DNAH11: variants seen among roughly 807,000 people sequenced by gnomAD.
The protein encoded by DNAH11 is axonemal beta dynein heavy chain 11.
A neutral mutation model predicts 526.0 loss-of-function variants in DNAH11; 442 were observed. The ratio of observed to expected loss-of-function variants is 0.84; its 90% CI spans 0.78 to 0.91. The LOEUF (loss-of-function observed/expected upper bound fraction) is 0.91, where lower values mean the gene tolerates loss of function less well. Ranked by LOEUF, DNAH11 falls within the 40% of genes least tolerant of loss-of-function variation. The pLI is 0.00. For synonymous variants in DNAH11, 2,461 were observed against 1,935.9 expected, an observed-to-expected ratio of 1.27 and a Z score of -7.12; for missense variants, 6,989 against 5,448.7, an observed-to-expected ratio of 1.28 and a Z score of -8.90.
intron 57 of DNAH11, among the ~76,000 whole-genome samples, chr7:21,781,111 A>G (rs1264497935): frequency 2.6e-5 from 4 of 152,202 alleles, no homozygotes; most frequent in Admixed American, 1.3e-4. Context: ...ATGTTCAGCA[A>G]TGTGCTAGAT....
intron 57 of DNAH11, among the ~76,000 whole-genome samples, chr7:21,782,188 G>C (rs1443943846): frequency 1.3e-5 from 2 of 152,148 alleles, no homozygotes; most frequent in Admixed American, 6.5e-5. Flanking sequence ...ATCTGCAAGG[G>C]GCTGTTGACT....
chr7:21,554,089 C>A (rs1293646064), intron 2 of DNAH11, among the ~76,000 whole-genome samples: 1 of 151,316 alleles, frequency 6.6e-6, no homozygotes, highest in Non-Finnish European at 1.5e-5. Context: ...CCTTTGAGAC[C>A]TTTTGTGTCC....
At chr7:21,548,597 C>T (rs1272669526) in intron 2 of DNAH11, among the ~76,000 whole-genome samples, 1 of 152,132 alleles carries the variant, frequency 6.6e-6, no homozygotes, top group Non-Finnish European at 1.5e-5. Context: ...GGCAATTGGA[C>T]TAAAGCACAA....
chr7:21,656,740 GA>G (rs1319531279), intron 29 of DNAH11, among the ~76,000 whole-genome samples: 1 of 152,180 alleles, frequency 6.6e-6, no homozygotes, highest in Non-Finnish European at 1.5e-5. Flanking sequence ...AGTATTTGCA[GA>G]AAGATGAGTG....
intron 65 of DNAH11, among the ~76,000 whole-genome samples, chr7:21,832,833 C>T (rs1005694252): frequency 3.5e-4 from 54 of 152,140 alleles, no homozygotes; most frequent in African/African-American, 8.4e-4. Flanking sequence ...ATGTATGTGA[C>T]GCACAAAGCC....
At chr7:21,586,044 G>A (rs1784469308) in intron 9 of DNAH11, among the ~76,000 whole-genome samples, 1 of 152,154 alleles carries the variant, frequency 6.6e-6, no homozygotes, top group South Asian at 2.1e-4. Context: ...CATTTTGCAT[G>A]ACAAACAATT....
intron 45 of DNAH11, among the ~76,000 whole-genome samples, chr7:21,728,073 A>T (rs528690292): frequency 6.6e-6 from 1 of 151,950 alleles, no homozygotes; most frequent in Admixed American, 6.6e-5. Context: ...TATAAGTCCT[A>T]TTCCCAAATA....
At chr7:21,577,343 G>A (rs1489795014) in intron 8 of DNAH11, among the ~76,000 whole-genome samples, 1 of 152,172 alleles carries the variant, frequency 6.6e-6, no homozygotes, top group African/African-American at 2.4e-5. Context: ...CACCCTTTCT[G>A]TCTGAAAATG....
chr7:21,833,806 G>T (rs977825346), intron 65 of DNAH11, among the ~76,000 whole-genome samples: 2 of 152,150 alleles, frequency 1.3e-5, no homozygotes, highest in Non-Finnish European at 2.9e-5. Context: ...ATAAATGTTG[G>T]TATCTCTTAT....
intron 20 of DNAH11, among the ~76,000 whole-genome samples, chr7:21,610,167 T>C (rs982987171): frequency 6.6e-6 from 1 of 152,046 alleles, no homozygotes; most frequent in African/African-American, 2.4e-5. Context: ...GGCAGGAGAA[T>C]GGCGTGAACC....
chr7:21,682,349 A>G (rs1451851436), intron 31 of DNAH11, among the ~76,000 whole-genome samples: 1 of 151,814 alleles, frequency 6.6e-6, no homozygotes, highest in Non-Finnish European at 1.5e-5. Context: ...ACATGGTGAA[A>G]CCCCGTCTCT....
intron 36 of DNAH11, among the ~76,000 whole-genome samples, chr7:21,699,823 G>A (rs1414484204): frequency 1.3e-5 from 2 of 151,848 alleles, no homozygotes; most frequent in Non-Finnish European, 2.9e-5. Flanking sequence ...CATTTAATGA[G>A]CATCTAGTAT....
At chr7:21,863,257 T>C (rs1783140188) in intron 69 of DNAH11, among the ~76,000 whole-genome samples, 1 of 152,256 alleles carries the variant, frequency 6.6e-6, no homozygotes, top group Non-Finnish European at 1.5e-5. Context: ...GAAGGCACTT[T>C]ATACATATCT....
chr7:21,543,432 G>A lies in DNAH11; in HGVS notation c.187G>A (p.Gly63Ser). Residue 63 changes from glycine to serine, a missense_variant, in exon 1 of 82, where the codon GGC (glycine) becomes AGC (serine). Gly to Ser is a moderately conservative substitution (Grantham distance 56). Transcript: ENST00000409508. Reference sequence around the variant, plus strand: ...CCAAGACGCGCGGGTGCGCTTCCTCGGCGGCCGCCTGGCGATGATGCTGGG... The same window carrying A: ...CCAAGACGCGCGGGTGCGCTTCCTCAGCGGCCGCCTGGCGATGATGCTGGG... ...FAQDARVRFL[G>S]GRLAMMLGFT... The A allele has an allele frequency of 6.4e-7, 1 of 1,557,844 alleles. No individual in the cohort carries two copies. The highest frequency in any genetic ancestry group is 8.7e-7 in the Non-Finnish European group (1 of 1,150,142).
intron 12 of DNAH11, 40 bp from the exon 13 acceptor site, chr7:21,590,878 A>G: frequency 1.7e-6 from 2 of 1,176,494 alleles, no homozygotes; most frequent in Non-Finnish European, 1.1e-6. Context: ...GAATGACATT[A>G]TGAAAATATG....
chr7:21,568,726 A>G (rs897992387), intron 6 of DNAH11, among the ~76,000 whole-genome samples: 4 of 152,208 alleles, frequency 2.6e-5, no homozygotes, highest in African/African-American at 4.8e-5. Context: ...GTTACTTTAC[A>G]TACAAGTAAT....
At chr7:21,837,079 A>C (rs1261783241) in intron 65 of DNAH11, among the ~76,000 whole-genome samples, 1 of 152,206 alleles carries the variant, frequency 6.6e-6, no homozygotes, top group African/African-American at 2.4e-5. Flanking sequence ...TATTATCAAA[A>C]AGACAAAAAA....
chr7:21,835,528 A>G (rs763297749), intron 65 of DNAH11, among the ~76,000 whole-genome samples: 21 of 152,198 alleles, frequency 1.4e-4, no homozygotes, highest in Non-Finnish European at 2.9e-4. Context: ...AATTATTTCA[A>G]TCAACACAGA....
chr7:21,564,112 C>G (rs1245137874), intron 5 of DNAH11, 74 bp from the exon 6 acceptor site: 1 of 1,145,608 alleles, frequency 8.7e-7, no homozygotes, highest in African/African-American at 1.6e-5. Context: ...TGGCTCTCTT[C>G]TACATGTAAA....
Sources: allele counts gnomAD v4.1 joint callset (sites outside exome capture counted in the v4.1 genomes callset), GRCh38; gene constraint gnomAD v4.1.1; transcripts MANE v1.5; gene names NCBI Gene and HGNC (gene_info 2026-07-23, HGNC 2026-07-21).